ACMSD: variants seen among roughly 807,000 people sequenced by gnomAD.
The protein encoded by ACMSD is aminocarboxymuconate semialdehyde decarboxylase.
A neutral mutation model predicts 45.9 loss-of-function variants in ACMSD; 37 were observed. The observed-to-expected ratio is 0.81, with a 90% confidence interval of 0.62 to 1.06. ACMSD has a LOEUF of 1.06. Among genes scored for constraint, ACMSD ranks in the 50% least tolerant of loss-of-function variants. ACMSD has a pLI of 0.00. For synonymous variants in ACMSD, 138 were observed against 148.8 expected, an observed-to-expected ratio of 0.93 and a Z score of 0.53; for missense variants, 434 against 420.9, an observed-to-expected ratio of 1.03 and a Z score of -0.27.
At chr2:134,864,043 C>T (rs1458606150) in intron 5 of ACMSD, among the ~76,000 whole-genome samples, 1 of 151,924 alleles carries the variant, frequency 6.6e-6, no homozygotes, top group East Asian at 1.9e-4. Flanking sequence ...CCCAGGTGGG[C>T]GGATCACTTG....
chr2:134,883,670 T>G (rs1689168342), intron 8 of ACMSD, among the ~76,000 whole-genome samples: 1 of 152,026 alleles, frequency 6.6e-6, no homozygotes, highest in African/African-American at 2.4e-5. Flanking sequence ...AATTTTTGAT[T>G]TTGTAGAGAC....
chr2:134,878,500 T>C (rs1688870468), intron 8 of ACMSD, among the ~76,000 whole-genome samples: 1 of 152,068 alleles, frequency 6.6e-6, no homozygotes, highest in African/African-American at 2.4e-5. Context: ...CTAATTTTTG[T>C]ATATTTTGTA....
At chr2:134,844,695 G>A (rs1009655436) in intron 1 of ACMSD, among the ~76,000 whole-genome samples, 1 of 152,172 alleles carries the variant, frequency 6.6e-6, no homozygotes, top group East Asian at 1.9e-4. Flanking sequence ...AAATGCAGGC[G>A]CTGGCTGATG....
At chr2:134,880,621 T>C (rs1218805412) in intron 8 of ACMSD, among the ~76,000 whole-genome samples, 1 of 152,190 alleles carries the variant, frequency 6.6e-6, no homozygotes, top group Non-Finnish European at 1.5e-5. Context: ...CTGTCCTTGT[T>C]GGGTGGATGC....
At chr2:134,874,526 A>G (rs1239121672) in intron 8 of ACMSD, among the ~76,000 whole-genome samples, 1 of 152,202 alleles carries the variant, frequency 6.6e-6, no homozygotes, top group Admixed American at 6.5e-5. Context: ...GAGCAAGAGG[A>G]CAAAATGCCG....
At chr2:134,882,274 C>G (rs1360688635) in intron 8 of ACMSD, among the ~76,000 whole-genome samples, 2 of 152,068 alleles carry the variant, frequency 1.3e-5, no homozygotes, top group Admixed American at 6.5e-5. Context: ...TTTTTTGAAG[C>G]CTGTAACCTT....
intron 8 of ACMSD, among the ~76,000 whole-genome samples, chr2:134,886,905 A>G (rs1215331772): frequency 6.6e-6 from 1 of 152,278 alleles, no homozygotes; most frequent in Non-Finnish European, 1.5e-5. Context: ...ATTGCAGGAC[A>G]TAACGGCAAT....
chr2:134,845,166 T>G, intron 1 of ACMSD, 67 bp from the exon 2 acceptor site: 1 of 1,559,170 alleles, frequency 6.4e-7, no homozygotes, highest in Non-Finnish European at 8.8e-7. Flanking sequence ...CTTCTGCACT[T>G]AGCATGCCCC....
chr2:134,855,108 C>T (rs1687520625), intron 2 of ACMSD, among the ~76,000 whole-genome samples: 1 of 152,114 alleles, frequency 6.6e-6, no homozygotes, highest in Non-Finnish European at 1.5e-5. Flanking sequence ...GTTCCTATAT[C>T]CTATTTGTGC....
At chr2:134,886,246 A>ATTATTATTATTATTTTTTTTT in intron 8 of ACMSD, among the ~76,000 whole-genome samples, 1 of 115,454 alleles carries the variant, frequency 8.7e-6, no homozygotes, top group Admixed American at 8.4e-5. Flanking sequence ...TATTATTATT[A>ATTATTATTATTATTTTTTTTT]TTTTTTTTTT....
intron 8 of ACMSD, among the ~76,000 whole-genome samples, chr2:134,878,636 T>C (rs1358167972): frequency 6.6e-6 from 1 of 152,218 alleles, no homozygotes; most frequent in Non-Finnish European, 1.5e-5. Context: ...CAATTCAACA[T>C]AGCTGTTGCT....
intron 2 of ACMSD, among the ~76,000 whole-genome samples, chr2:134,850,061 G>A (rs902756512): frequency 6.6e-6 from 1 of 151,610 alleles, no homozygotes; most frequent in African/African-American, 2.4e-5. Flanking sequence ...ACTCCTCACT[G>A]TTATCAACTG....
rs139182430 is a variant in ACMSD at position 134,874,495 on chromosome 2, G to C, written c.849+1854G>C. Among the ~76,000 whole-genome samples, 237 of 152,296 alleles carry C rather than the reference G, an allele frequency of 1.6e-3. 1 individual carries two copies. The highest frequency in any genetic ancestry group is 6.8e-3 in the Middle Eastern group (2 of 294). ...AAGTCCTAGCTAGACATCTGGGCTA[G>C]AGAGCAACCTGGCCAGATTTGAGCA... On this transcript the variant is annotated intron_variant, in intron 8 of 9. Transcript: ENST00000356140.
At chr2:134,898,190 T>C (rs1690282278) in intron 8 of ACMSD, 151 bp from the exon 9 acceptor site, 2 of 493,932 alleles carry the variant, frequency 4.0e-6, no homozygotes, top group Admixed American at 8.1e-5. Context: ...TTAAATCTTT[T>C]TAAAATTTTA....
chr2:134,871,177 A>G (rs1000725972), intron 7 of ACMSD, 117 bp downstream of exon 7: 16 of 922,810 alleles, frequency 1.7e-5, no homozygotes, highest in Non-Finnish European at 2.5e-5. Flanking sequence ...GAAGTCCAAG[A>G]TCAAGGTGCT....
intron 8 of ACMSD, among the ~76,000 whole-genome samples, chr2:134,878,269 T>C (rs1260039773): frequency 2.0e-5 from 3 of 152,214 alleles, no homozygotes; most frequent in South Asian, 4.1e-4. Context: ...CAGGCACATA[T>C]TGGTAGTTCC....
Position 134,865,954 on chromosome 2 carries a change from C to T in ACMSD, c.487-1625C>T, listed in dbSNP as rs146703987. 1.6e-4 allele frequency among the ~76,000 whole-genome samples: 24 copies of T among 152,242 alleles called. 2 individuals carry two copies. The highest frequency in any genetic ancestry group is 5.8e-4 in the African/African-American group (24 of 41,536). ...ATGAGGGTAGTAAAAGTGCGCATCT[C>T]ACAAAAAATTAAACTAGTTAATAAT... On this transcript the variant is annotated intron_variant, in intron 5 of 9. Transcript: ENST00000356140.
chr2:134,886,995 AGT>A (rs998366179), intron 8 of ACMSD, among the ~76,000 whole-genome samples: 64 of 152,364 alleles, frequency 4.2e-4, no homozygotes, highest in African/African-American at 1.5e-3. Flanking sequence ...AATTTATAAT[AGT>A]GTTTTAAAAA....
At chr2:134,885,024 T>C (rs1689241015) in intron 8 of ACMSD, among the ~76,000 whole-genome samples, 1 of 150,802 alleles carries the variant, frequency 6.6e-6, no homozygotes, top group Non-Finnish European at 1.5e-5. Flanking sequence ...GGTGAAACCC[T>C]GTCTCTACGG....
Sources: allele counts gnomAD v4.1 joint callset (sites outside exome capture counted in the v4.1 genomes callset), GRCh38; gene constraint gnomAD v4.1.1; transcripts MANE v1.5; gene names NCBI Gene and HGNC (gene_info 2026-07-23, HGNC 2026-07-21).